BMPR2: variants seen among roughly 807,000 people sequenced by gnomAD.
BMPR2 encodes the protein bone morphogenetic protein receptor type 2, also known as bone morphogenetic protein receptor type-2.
Under a neutral mutation model 100.8 loss-of-function variants are expected in BMPR2, and 29 were observed. The ratio of observed to expected loss-of-function variants is 0.29; its 90% CI spans 0.21 to 0.39. The LOEUF (loss-of-function observed/expected upper bound fraction) is 0.39. Among genes scored for constraint, BMPR2 ranks in the 10% least tolerant of loss-of-function variants. BMPR2 has a pLI of 1.00. For synonymous variants in BMPR2, 382 were observed against 442.3 expected (o/e 0.86, Z 1.71); for missense variants, 1,011 against 1,274.5 (o/e 0.79, Z 3.15).
At chr2:202,403,400 A>G (rs931523978) in intron 1 of BMPR2, among the ~76,000 whole-genome samples, 2 of 151,598 alleles carry the variant, frequency 1.3e-5, no homozygotes, top group Non-Finnish European at 2.9e-5. Context: ...GGGTTTCACC[A>G]TGTTGGCCAG....
chr2:202,391,270 CTTAG>C (rs1009598407), intron 1 of BMPR2, among the ~76,000 whole-genome samples: 17 of 151,884 alleles, frequency 1.1e-4, no homozygotes, highest in African/African-American at 4.1e-4. Context: ...GCCACTGCGC[CTTAG>C]TAAGTAGTCT....
At position 202,500,911 on chromosome 2, in the gene BMPR2, G is replaced by A. The variant is rs1313767694; in HGVS notation, c.419-12808G>A. On this transcript the variant is annotated intron_variant, in intron 3 of 12. Transcript: ENST00000374580. ...CTTTTGAGGATCCCACAGACCACAC[G>A]TCCCAACTTACATGGATGGTCTTGC... Among the ~76,000 whole-genome samples the A allele has an allele frequency of 2.0e-5, 3 of 152,110 alleles. No individual in the cohort carries two copies. The East Asian group carries it at 5.8e-4, about 29-fold the overall frequency.
chr2:202,417,077 C>T (rs1691145787), intron 1 of BMPR2, among the ~76,000 whole-genome samples: 1 of 152,030 alleles, frequency 6.6e-6, no homozygotes, highest in South Asian at 2.1e-4. Context: ...ACCTCATGAT[C>T]CACCCGCCTT....
chr2:202,534,636 A>C (rs1156362886), intron 9 of BMPR2, among the ~76,000 whole-genome samples: 1 of 152,228 alleles, frequency 6.6e-6, no homozygotes, highest in East Asian at 1.9e-4. Context: ...ACAGAACAAA[A>C]TGGAAAGTCT....
At chr2:202,398,385 C>CT (rs113993301) in intron 1 of BMPR2, among the ~76,000 whole-genome samples, 58 of 151,428 alleles carry the variant, frequency 3.8e-4, no homozygotes, top group African/African-American at 9.0e-4. Flanking sequence ...AAACAACTGG[C>CT]TTTTTTTTTA....
chr2:202,508,788 C>T (rs1241160517), intron 3 of BMPR2, among the ~76,000 whole-genome samples: 2 of 152,210 alleles, frequency 1.3e-5, no homozygotes, highest in Admixed American at 6.5e-5. Flanking sequence ...AAGCAACCTT[C>T]CATTGGCACT....
chr2:202,447,726 A>G (rs554424906), intron 1 of BMPR2, among the ~76,000 whole-genome samples: 1 of 150,906 alleles, frequency 6.6e-6, no homozygotes. Flanking sequence ...GCTATTACAA[A>G]TAATGTTCTA....
Position 202,438,432 on chromosome 2 carries a change from T to C in BMPR2, c.77-26377T>C, listed in dbSNP as rs1044590136. The stretch of plus-strand genomic sequence containing the variant: ...CTGTGAGTTGTCTTCACTTTCTTTA[T>C]GGTGTGTTTTGAAGCACAGAAGTTT... On this transcript the variant is annotated intron_variant, in intron 1 of 12. Coordinates refer to ENST00000374580, the MANE Select transcript of BMPR2 (RefSeq NM_001204.7). 3.4e-4 allele frequency among the ~76,000 whole-genome samples: 51 copies of C among 150,730 alleles called. 4 individuals are homozygous for C. Among genetic ancestry groups the C allele is most frequent in the African/African-American group, 1.2e-3 (50 of 40,036 alleles).
intron 1 of BMPR2, among the ~76,000 whole-genome samples, chr2:202,429,190 A>G (rs1259545149): frequency 6.6e-6 from 1 of 151,884 alleles, no homozygotes. Flanking sequence ...TCTCTTTTTC[A>G]TACTCCGCCA....
rs540272518 is a variant in BMPR2, at chr2:202,418,541, A to T, written c.76+40991A>T. On this transcript the variant is annotated intron_variant, in intron 1 of 12. Coordinates refer to ENST00000374580, the MANE Select transcript of BMPR2 (RefSeq NM_001204.7). Reference sequence around the variant, plus strand: ...TCCAAGGTGCTTGGGTTACAGCTTGATTTTATACATTTTAGGGTGGCAGAA... The same window carrying T: ...TCCAAGGTGCTTGGGTTACAGCTTGTTTTTATACATTTTAGGGTGGCAGAA... Among the ~76,000 whole-genome samples the T allele has an allele frequency of 3.3e-5, 5 of 152,322 alleles. No individual in the cohort carries two copies. The South Asian group carries it at 1.0e-3, about 32-fold the overall frequency.
chr2:202,474,610 C>G (rs1315846282), intron 3 of BMPR2: 1 of 152,176 alleles, frequency 6.6e-6, no homozygotes, highest in Admixed American at 6.6e-5. Flanking sequence ...GCTCCGCCTC[C>G]CGGGTTCACG....
At chr2:202,533,982 T>C (rs1418392204) in intron 9 of BMPR2, among the ~76,000 whole-genome samples, 2 of 152,160 alleles carry the variant, frequency 1.3e-5, no homozygotes, top group East Asian at 1.9e-4. Context: ...CTAGGTGCTA[T>C]ACAGATGATT....
At chr2:202,419,666 T>A (rs2105922832) in intron 1 of BMPR2, among the ~76,000 whole-genome samples, 1 of 152,256 alleles carries the variant, frequency 6.6e-6, no homozygotes, top group African/African-American at 2.4e-5. Flanking sequence ...ATGTTTTTTT[T>A]AAATGAAGTC....
chr2:202,439,894 C>T (rs1347283515), intron 1 of BMPR2, among the ~76,000 whole-genome samples: 1 of 150,098 alleles, frequency 6.7e-6, no homozygotes, highest in African/African-American at 2.5e-5. Context: ...GAGGACCCTG[C>T]GGCCTTCCGC....
At chr2:202,476,080 TAA>T (rs56243938) in intron 3 of BMPR2, among the ~76,000 whole-genome samples, 23,270 of 95,016 alleles carry the variant, frequency 0.24, 2,546 homozygotes, top group South Asian at 0.38. Context: ...GTCTCAAGGT[TAA>T]AAAAAAAAAA....
intron 1 of BMPR2, among the ~76,000 whole-genome samples, chr2:202,408,411 AG>A (rs1391925494): frequency 2.6e-5 from 4 of 152,198 alleles, no homozygotes; most frequent in African/African-American, 4.8e-5. Context: ...ATAAAAGGTT[AG>A]TTTTGACAAA....
At chr2:202,489,818 A>G (rs1399498061) in intron 3 of BMPR2, among the ~76,000 whole-genome samples, 1 of 152,226 alleles carries the variant, frequency 6.6e-6, no homozygotes, top group Non-Finnish European at 1.5e-5. Context: ...ACACACACCT[A>G]CGTAAGATGT....
intron 1 of BMPR2, among the ~76,000 whole-genome samples, chr2:202,443,962 G>A (rs1424060193): frequency 2.7e-5 from 4 of 150,294 alleles, no homozygotes; most frequent in South Asian, 2.1e-4. Flanking sequence ...TGGTACTACC[G>A]ACTAATAACA....
chr2:202,427,378 AAAG>A (rs1279031548), intron 1 of BMPR2, among the ~76,000 whole-genome samples: 1 of 151,588 alleles, frequency 6.6e-6, no homozygotes, highest in Non-Finnish European at 1.5e-5. Flanking sequence ...AAAAAAAAAA[AAAG>A]GGCAGGTATA....
Sources: allele counts gnomAD v4.1 joint callset (sites outside exome capture counted in the v4.1 genomes callset), GRCh38; gene constraint gnomAD v4.1.1; transcripts MANE v1.5; gene names NCBI Gene and HGNC (gene_info 2026-07-23, HGNC 2026-07-21).